Variants in MBOAT2 observed in about 807,000 individuals in gnomAD.
The protein encoded by MBOAT2 is membrane-bound glycerophospholipid O-acyltransferase 2.
In MBOAT2, 28 loss-of-function variants were observed where a neutral mutation model predicts 63.4. That is an observed-to-expected ratio of 0.44 (90% CI 0.33 to 0.61). The LOEUF is 0.61. Among genes scored for constraint, MBOAT2 ranks in the 20% least tolerant of loss-of-function variants. MBOAT2 has a pLI of 0.03. For synonymous variants in MBOAT2, 211 were observed against 215.6 expected (o/e 0.98, Z 0.19); for missense variants, 470 against 605.8 (o/e 0.78, Z 2.35).
At chr2:8,891,832 C>T (rs1016959714) in intron 4 of MBOAT2, among the ~76,000 whole-genome samples, 2 of 152,114 alleles carry the variant, frequency 1.3e-5, no homozygotes, top group African/African-American at 4.8e-5. Flanking sequence ...TTCTATAGGA[C>T]AACATTAGTA....
intron 3 of MBOAT2, among the ~76,000 whole-genome samples, chr2:8,926,151 T>C (rs1384334714): frequency 1.3e-5 from 2 of 151,996 alleles, no homozygotes. Flanking sequence ...TGAGACAGAG[T>C]CTCAATCTGT....
intron 2 of MBOAT2, among the ~76,000 whole-genome samples, chr2:8,949,196 G>T (rs891338076): frequency 6.6e-6 from 1 of 152,056 alleles, no homozygotes; most frequent in African/African-American, 2.4e-5. Context: ...CTTTTTGCCT[G>T]TCCAACTGTT....
At chr2:8,907,175 A>G (rs905226864) in intron 4 of MBOAT2, among the ~76,000 whole-genome samples, 2 of 152,242 alleles carry the variant, frequency 1.3e-5, no homozygotes, top group Non-Finnish European at 2.9e-5. Flanking sequence ...CAAGTATTCA[A>G]AGCTCTTAAT....
intron 3 of MBOAT2, among the ~76,000 whole-genome samples, chr2:8,930,278 T>G (rs1460039135): frequency 6.6e-6 from 1 of 152,244 alleles, no homozygotes; most frequent in Non-Finnish European, 1.5e-5. Context: ...GATCAAAAAA[T>G]CTAACACTGT....
intron 4 of MBOAT2, among the ~76,000 whole-genome samples, chr2:8,897,202 T>C (rs1664545775): frequency 6.7e-6 from 1 of 149,034 alleles, no homozygotes; most frequent in Admixed American, 6.6e-5. Context: ...TCTGATTCCA[T>C]CTTTGTCTCT....
chr2:8,946,333 C>T (rs1337472822), intron 2 of MBOAT2, among the ~76,000 whole-genome samples: 4 of 152,110 alleles, frequency 2.6e-5, no homozygotes, highest in Admixed American at 6.6e-5. Flanking sequence ...ATTCCATTAC[C>T]CTATAGTGTT....
At chr2:8,974,740 C>T (rs1670702645) in intron 1 of MBOAT2, among the ~76,000 whole-genome samples, 1 of 152,040 alleles carries the variant, frequency 6.6e-6, no homozygotes, top group African/African-American at 2.4e-5. Context: ...ATAATACATG[C>T]TTGCTTTCAA....
intron 2 of MBOAT2, among the ~76,000 whole-genome samples, chr2:8,951,411 G>A (rs1668827406): frequency 6.6e-6 from 1 of 152,086 alleles, no homozygotes; most frequent in South Asian, 2.1e-4. Context: ...TGCCATGTTG[G>A]CCAGGCTGGT....
chr2:8,947,550 G>A (rs1387307912), intron 2 of MBOAT2, among the ~76,000 whole-genome samples: 2 of 152,150 alleles, frequency 1.3e-5, no homozygotes, highest in Admixed American at 1.3e-4. Flanking sequence ...ACAGGCTAAT[G>A]CAGCTGGTGA....
chr2:8,861,928 A>G (rs1460141767), intron 11 of MBOAT2, among the ~76,000 whole-genome samples: 2 of 152,200 alleles, frequency 1.3e-5, no homozygotes, highest in African/African-American at 4.8e-5. Flanking sequence ...CTCAAAATGG[A>G]ATACAGTAAA....
At chr2:8,878,859 G>T (rs1010697649) in intron 6 of MBOAT2, among the ~76,000 whole-genome samples, 2 of 151,926 alleles carry the variant, frequency 1.3e-5, no homozygotes, top group Non-Finnish European at 2.9e-5. Context: ...GGCGGATCAC[G>T]AGGTCAGGAG....
At chr2:8,925,308 C>T (rs1666857519) in intron 3 of MBOAT2, among the ~76,000 whole-genome samples, 3 of 152,064 alleles carry the variant, frequency 2.0e-5, no homozygotes, top group Non-Finnish European at 4.4e-5. Flanking sequence ...TTCTTCTATT[C>T]GACTTTGGGA....
chr2:8,944,830 T>C (rs1331923293), intron 2 of MBOAT2, among the ~76,000 whole-genome samples: 1 of 152,170 alleles, frequency 6.6e-6, no homozygotes. Flanking sequence ...CTCTTATGTG[T>C]TGCCAACACT....
At chr2:8,959,464 CTTTT>C (rs560059713) in intron 1 of MBOAT2, among the ~76,000 whole-genome samples, 1 of 139,360 alleles carries the variant, frequency 7.2e-6, no homozygotes, top group Non-Finnish European at 1.6e-5. Flanking sequence ...TCCTTTTTTT[CTTTT>C]TTTTTTTTTT....
chr2:8,972,915 T>C (rs1334134333), intron 1 of MBOAT2, among the ~76,000 whole-genome samples: 2 of 152,182 alleles, frequency 1.3e-5, no homozygotes, highest in African/African-American at 4.8e-5. Context: ...TTTTACACTG[T>C]TGATGGGACT....
chr2:8,953,912 T>A (rs1462878106), intron 2 of MBOAT2, among the ~76,000 whole-genome samples: 1 of 152,220 alleles, frequency 6.6e-6, no homozygotes, highest in Non-Finnish European at 1.5e-5. Flanking sequence ...TGATTCTTTA[T>A]CTGTCATTTC....
chr2:8,863,507 G>C (rs1458392480), intron 10 of MBOAT2, among the ~76,000 whole-genome samples: 2 of 152,108 alleles, frequency 1.3e-5, no homozygotes, highest in Non-Finnish European at 2.9e-5. Context: ...AGCCTGGCTT[G>C]CCTCTACCTT....
chr2:8,930,610 G>A (rs926244768), intron 3 of MBOAT2, among the ~76,000 whole-genome samples: 1 of 151,660 alleles, frequency 6.6e-6, no homozygotes, highest in Non-Finnish European at 1.5e-5. Context: ...TGGGACGGCT[G>A]GGTCAAATGG....
At chr2:8,969,609 T>C (rs1670288829) in intron 1 of MBOAT2, among the ~76,000 whole-genome samples, 1 of 152,176 alleles carries the variant, frequency 6.6e-6, no homozygotes, top group Non-Finnish European at 1.5e-5. Flanking sequence ...ACCAGTGTGC[T>C]GTATTCAGGA....
Sources: gnomAD v4.1 joint callset for allele counts (sites outside exome capture counted in the v4.1 genomes callset) on GRCh38, gnomAD v4.1.1 for gene constraint, MANE v1.5 for transcripts, NCBI Gene and HGNC (gene_info 2026-07-23, HGNC 2026-07-21) for gene names.